The following CROCC2 variants were observed in gnomAD, a reference collection of about 807,000 sequenced individuals.
CROCC2 encodes the protein ciliary rootlet coiled-coil, rootletin family member 2.
In CROCC2, 163 loss-of-function variants were observed where a neutral mutation model predicts 177.6. The observed-to-expected ratio is 0.92, with a 90% CI of 0.81 to 1.05. The LOEUF is 1.05. Among genes scored for constraint, CROCC2 ranks in the 50% least tolerant of loss-of-function variants. The pLI is 0.00. For missense variants in CROCC2, 1,929 were observed against 1,797.8 expected (o/e 1.07, Z -1.32); for synonymous variants, 904 against 787.3 (o/e 1.15, Z -2.48).
intron 18 of CROCC2, among the ~76,000 whole-genome samples, chr2:240,952,723 C>T (rs944100676): frequency 2.6e-5 from 4 of 152,168 alleles, no homozygotes; most frequent in African/African-American, 7.2e-5. Flanking sequence ...GGAGCTAGGA[C>T]GGGCCTTGGG....
At chr2:240,951,093 ACCCATCCACCTGTTCATCCATCCATCCT>A (rs1463008707) in intron 18 of CROCC2, among the ~76,000 whole-genome samples, 2 of 151,418 alleles carry the variant, frequency 1.3e-5, no homozygotes, top group Non-Finnish European at 2.9e-5. Context: ...CCATCCATCC[ACCCATCCACCTGTTCATCCATCCATCCT>A]CCCATCCACC....
chr2:240,945,996 G>A, intron 14 of CROCC2, 64 bp from the exon 15 acceptor site: 1 of 1,287,080 alleles, frequency 7.8e-7, no homozygotes, highest in Non-Finnish European at 1.0e-6. Context: ...CCCTCAAGAG[G>A]CCCATGCTCA....
At chr2:240,913,074 A>C (rs900239115) in intron 1 of CROCC2, among the ~76,000 whole-genome samples, 14 of 152,188 alleles carry the variant, frequency 9.2e-5, no homozygotes, top group Non-Finnish European at 1.9e-4. Context: ...CTGTGCTAAC[A>C]ACACGGGCCC....
chr2:240,955,564 A>G, intron 18 of CROCC2: 1 of 352,200 alleles, frequency 2.8e-6, no homozygotes, highest in Non-Finnish European at 5.2e-6. Flanking sequence ...GATTTTAGAC[A>G]GGCAGAGGAA....
At chr2:240,925,419 G>A (rs2059389772) in intron 4 of CROCC2, among the ~76,000 whole-genome samples, 2 of 152,220 alleles carry the variant, frequency 1.3e-5, no homozygotes, top group African/African-American at 4.8e-5. Context: ...CTCAGGCATT[G>A]AGGGACGGGC....
intron 28 of CROCC2, 82 bp from the exon 29 acceptor site, chr2:240,988,657 A>G: frequency 1.6e-6 from 2 of 1,274,296 alleles, no homozygotes; most frequent in Non-Finnish European, 2.0e-6. Context: ...CCCAGAGGCA[A>G]CCCTGTGCTC....
chr2:240,985,600 C>CCACA (rs1342150327), intron 28 of CROCC2, among the ~76,000 whole-genome samples: 1 of 116,778 alleles, frequency 8.6e-6, no homozygotes, highest in Non-Finnish European at 1.8e-5. Context: ...GGCACTCACT[C>CCACA]CACACACACC....
At chr2:240,936,967 C>T (rs771792164) in intron 14 of CROCC2, among the ~76,000 whole-genome samples, 4 of 152,198 alleles carry the variant, frequency 2.6e-5, no homozygotes, top group Non-Finnish European at 1.5e-5. Flanking sequence ...TTGTACAAGT[C>T]GCATACATAT....
At chr2:240,940,415 A>C (rs769603351) in intron 14 of CROCC2, among the ~76,000 whole-genome samples, 2 of 151,868 alleles carry the variant, frequency 1.3e-5, no homozygotes, top group Non-Finnish European at 2.9e-5. Context: ...CCATTTTCTT[A>C]TGCTTAGTGT....
intron 19 of CROCC2, chr2:240,957,835 G>A: frequency 3.2e-6 from 1 of 317,330 alleles, no homozygotes; most frequent in Non-Finnish European, 4.6e-6. Context: ...TTGGCATCGG[G>A]CCTGTGACCA....
At chr2:240,950,583 G>C in intron 18 of CROCC2, 73 bp downstream of exon 18, 1 of 1,458,172 alleles carries the variant, frequency 6.9e-7, no homozygotes, top group Non-Finnish European at 9.2e-7. Context: ...CAGCACAAGG[G>C]CTGCATGTGG....
Position 240,906,470 on chromosome 2 carries a change from T to A in CROCC2, c.-44T>A, listed in dbSNP as rs1323601705. 2.5e-6 allele frequency: 1 copy of A among 398,796 alleles called. No individual in the cohort carries two copies. The highest frequency in any genetic ancestry group is 4.4e-6 in the Non-Finnish European group (1 of 226,048). The allele number at this position is 398,796 out of a possible 1,614,324, so 24.7% of individuals were successfully genotyped here. A position where few individuals can be genotyped will look rare whatever the true frequency, so the allele number is the denominator to read the frequency against. The stretch of plus-strand genomic sequence containing the variant: ...GGCCAGTTGGAGGAGAACTGCCAGG[T>A]AGCAAAGCCCAGACTTCTCTGGGGT... On this transcript the variant is annotated 5_prime_UTR_variant, in exon 1 of 32. Transcript: ENST00000690015.
chr2:240,973,701 G>A lies in CROCC2; in HGVS notation c.4401+5439G>A, dbSNP rs916506387. 1.3e-5 allele frequency among the ~76,000 whole-genome samples: 2 copies of A among 152,218 alleles called. No homozygotes were observed. Among genetic ancestry groups the A allele is most frequent in the Non-Finnish European group, 2.9e-5 (2 of 68,044 alleles). On this transcript the variant is annotated intron_variant, in intron 27 of 31. Coordinates refer to ENST00000690015, the MANE Select transcript of CROCC2 (RefSeq NM_001351305.2). This position sits in a 1 kb window ranked among gnomAD's most constrained non-coding sequence, Gnocchi z 4.7. ...TTAGGGCCAGCGGGGCCCACAAGGT[G>A]GACACTGAGCCACAGTCAGACTTGA...
chr2:240,933,052 G>A, intron 9 of CROCC2, 79 bp from the exon 10 acceptor site: 1 of 1,528,504 alleles, frequency 6.5e-7, no homozygotes, highest in South Asian at 1.2e-5. Flanking sequence ...CCTTTCTGGG[G>A]AGTCGCAAGC....
rs908065413 is a variant in CROCC2, at chr2:240,965,697, G to A, written c.3665G>A (p.Arg1222Gln). Residue 1222 changes from arginine (R) to glutamine (Q), a missense_variant, in exon 24 of 32, where the codon CGG becomes CAG. Physicochemically the swap from Arg to Gln is conservative, Grantham distance 43. Transcript: ENST00000690015. ...GCCGCAGGGGAGGCCCATGGACAGC[G>A]GCTCCAGGAGCACCTCCGTGAGAGC... ...VEAAGEAHGQ[R>Q]LQEHLRESRG... The A allele has an allele frequency of 2.6e-5, 41 of 1,549,820 alleles. No homozygotes were observed. The highest frequency in any genetic ancestry group is 7.3e-5 in the East Asian group (3 of 40,908).
In CROCC2 at chr2:240,953,722, A is replaced by G. The variant is rs2059571571; in HGVS notation, c.2830-2137A>G. ...AGGAACCTGTGATGACCCAGTCACA[A>G]AACAGTCTTTGGGGATCTTATTTCT... is the stretch of plus-strand genomic sequence containing the variant. On this transcript the variant is annotated intron_variant, in intron 18 of 31. Coordinates refer to ENST00000690015, the MANE Select transcript of CROCC2 (RefSeq NM_001351305.2). The surrounding 1 kb of genome is among the most constrained non-coding windows in gnomAD (Gnocchi z 4.0). 1.3e-5 allele frequency among the ~76,000 whole-genome samples: 2 copies of G among 152,194 alleles called. No individual in the cohort carries two copies. The highest frequency in any genetic ancestry group is 3.9e-4 in the East Asian group (2 of 5,186).
At chr2:240,989,609 C>A in intron 29 of CROCC2, 45 bp from the exon 30 acceptor site, 2 of 1,507,860 alleles carry the variant, frequency 1.3e-6, no homozygotes, top group South Asian at 1.2e-5. Flanking sequence ...TTCTGTGCGG[C>A]CCTCAGTGAG....
At position 240,952,397 on chromosome 2, in the gene CROCC2, C is replaced by T. The variant is rs184582841; in HGVS notation, c.2829+1887C>T. On this transcript the variant is annotated intron_variant, in intron 18 of 31. Coordinates refer to ENST00000690015, the MANE Select transcript of CROCC2 (RefSeq NM_001351305.2). ...CCAAGATTTATTGTCAAACTCTCTG[C>T]ATTTAATATTTGATTCTTGCAACAC... Among the ~76,000 whole-genome samples the T allele has an allele frequency of 3.6e-3, 543 of 151,802 alleles. 18 individuals are homozygous for T. The highest frequency in any genetic ancestry group is 9.7e-4 in the East Asian group (5 of 5,160).
chr2:240,968,289 A>G (rs2059698367), intron 27 of CROCC2, 27 bp downstream of exon 27: 1 of 1,513,306 alleles, frequency 6.6e-7, no homozygotes, highest in Non-Finnish European at 8.8e-7. Flanking sequence ...GGTGGGTCCC[A>G]GGTGGGGCAC....
Sources: allele counts gnomAD v4.1 joint callset (sites outside exome capture counted in the v4.1 genomes callset), GRCh38; gene constraint gnomAD v4.1.1; non-coding constraint Gnocchi (gnomAD v3.1); transcripts MANE v1.5; gene names NCBI Gene and HGNC (gene_info 2026-07-23, HGNC 2026-07-21).